Variants in PDS5A observed in about 807,000 individuals in gnomAD.
PDS5A encodes sister chromatid cohesion protein PDS5 homolog A.
A neutral mutation model predicts 167.1 loss-of-function variants in PDS5A; 42 were observed. The ratio of observed to expected loss-of-function variants is 0.25; its 90% CI spans 0.20 to 0.33. The LOEUF is 0.33. PDS5A is among the 10% of genes least tolerant of loss of function. PDS5A has a pLI of 1.00. For synonymous variants in PDS5A, 553 were observed against 554.6 expected (o/e 1.00, Z 0.04); for missense variants, 1,033 against 1,605.9 (o/e 0.64, Z 6.10).
chr4:39,859,129 G>A (rs1025552842), intron 26 of PDS5A, among the ~76,000 whole-genome samples: 1 of 152,050 alleles, frequency 6.6e-6, no homozygotes, highest in African/African-American at 2.4e-5. Flanking sequence ...AAAGTCACTG[G>A]ACATTTCTCC....
intron 16 of PDS5A, chr4:39,898,160 AT>A (rs759699285): frequency 3.3e-6 from 4 of 1,227,426 alleles, no homozygotes; most frequent in Non-Finnish European, 4.1e-6. Context: ...ATCTTGTAAA[AT>A]TCCTAAGACC....
At chr4:39,865,607 C>T (rs910040900) in intron 23 of PDS5A, among the ~76,000 whole-genome samples, 3 of 152,238 alleles carry the variant, frequency 2.0e-5, no homozygotes, top group Admixed American at 6.5e-5. Flanking sequence ...CACACTGCAA[C>T]CTCCACCTCC....
At chr4:39,890,667 A>AG (rs1320802565) in intron 16 of PDS5A, among the ~76,000 whole-genome samples, 1 of 152,128 alleles carries the variant, frequency 6.6e-6, no homozygotes, top group Non-Finnish European at 1.5e-5. Context: ...ACCAGGCTAC[A>AG]GTGCAGTGGC....
At chr4:39,912,336 C>T (rs1007244812) in intron 9 of PDS5A, among the ~76,000 whole-genome samples, 6 of 152,106 alleles carry the variant, frequency 3.9e-5, no homozygotes, top group African/African-American at 9.7e-5. Flanking sequence ...TGAAGCCTTG[C>T]GTTTTTGCTT....
chr4:39,945,167 C>G (rs748864279), intron 2 of PDS5A, among the ~76,000 whole-genome samples: 2 of 151,948 alleles, frequency 1.3e-5, no homozygotes, highest in African/African-American at 2.4e-5. Context: ...GCATAAAAAT[C>G]TAAATGCAGG....
chr4:39,840,059 A>G (rs927618351), intron 31 of PDS5A, among the ~76,000 whole-genome samples: 3 of 151,980 alleles, frequency 2.0e-5, no homozygotes, highest in Non-Finnish European at 2.9e-5. Flanking sequence ...GTGCCACTGC[A>G]CTCCAGCCCA....
In PDS5A at chr4:39,975,079, C is replaced by T. The variant is rs528863530; in HGVS notation, c.138+1361G>A. The stretch of plus-strand genomic sequence containing the variant: ...GCCGAGACGCGCCACTGCACTCCAG[C>T]CTAGGTGACAGAGCAAGACTCCGTC... On this transcript the variant is annotated intron_variant, in intron 2 of 32. Coordinates refer to ENST00000303538, the MANE Select transcript of PDS5A (RefSeq NM_001100399.2). Among the ~76,000 whole-genome samples, 194 of 143,408 alleles carry T rather than the reference C, an allele frequency of 1.4e-3. 2 individuals are homozygous for T. Among genetic ancestry groups the T allele is most frequent in the Non-Finnish European group, 2.1e-4 (14 of 66,666 alleles). The allele number at this position is 143,408 out of a possible 152,430, so 94.1% of individuals were successfully genotyped here.
chr4:39,829,026 G>C (rs1284723306), intron 32 of PDS5A, among the ~76,000 whole-genome samples: 1 of 152,116 alleles, frequency 6.6e-6, no homozygotes, highest in Non-Finnish European at 1.5e-5. Flanking sequence ...CAGCAATCCC[G>C]ATCAGACTCC....
chr4:39,945,829 C>T (rs961546134), intron 2 of PDS5A, among the ~76,000 whole-genome samples: 1 of 152,030 alleles, frequency 6.6e-6, no homozygotes, highest in Non-Finnish European at 1.5e-5. Flanking sequence ...AATGATCAAA[C>T]ATTATGTAAG....
intron 16 of PDS5A, among the ~76,000 whole-genome samples, chr4:39,897,209 C>T (rs140966068): frequency 2.0e-5 from 3 of 151,970 alleles, no homozygotes; most frequent in Non-Finnish European, 4.4e-5. Flanking sequence ...GCCTGGCCAA[C>T]ATGGTGAAAA....
At chr4:39,910,882 C>CTAT (rs1219193857) in intron 9 of PDS5A, among the ~76,000 whole-genome samples, 3 of 152,064 alleles carry the variant, frequency 2.0e-5, no homozygotes, top group Non-Finnish European at 4.4e-5. Flanking sequence ...GTAGTCCCAG[C>CTAT]TATTACTCAG....
intron 2 of PDS5A, chr4:39,973,693 G>T: frequency 7.8e-7 from 1 of 1,290,046 alleles, no homozygotes; most frequent in Non-Finnish European, 1.1e-6. Context: ...TCAGCGCAAA[G>T]AAGAGTGCCA....
chr4:39,901,258 T>TTTTC (rs1326311112), intron 13 of PDS5A, among the ~76,000 whole-genome samples: 96 of 142,710 alleles, frequency 6.7e-4, no homozygotes, highest in African/African-American at 2.2e-3. Flanking sequence ...TCTTTTTTTC[T>TTTTC]TTTCTTTCTT....
At chr4:39,870,587 C>CAAAATAAAATAAAAT (rs57432451) in intron 21 of PDS5A, among the ~76,000 whole-genome samples, 1 of 148,686 alleles carries the variant, frequency 6.7e-6, no homozygotes, top group African/African-American at 2.5e-5. Flanking sequence ...GACCATGTCT[C>CAAAATAAAATAAAAT]AAAATAAAAT....
At chr4:39,924,877 C>T (rs928899383) in intron 5 of PDS5A, among the ~76,000 whole-genome samples, 4 of 152,106 alleles carry the variant, frequency 2.6e-5, no homozygotes, top group Admixed American at 1.3e-4. Context: ...TTTGGGAGGC[C>T]GAGGTGGGTG....
In PDS5A at chr4:39,863,093, C is replaced by T. The variant is rs1329757544; in HGVS notation, c.2767-20G>A. 6.4e-7 allele frequency: 1 copy of T among 1,567,134 alleles called. No homozygotes were observed. Among genetic ancestry groups the T allele is most frequent in the African/African-American group, 1.4e-5 (1 of 73,898 alleles). ...CTCATCCTACAGCAGCACAGAAAAA[C>T]TTAAATTGGCAACCATTTATTAAAT... On this transcript the variant is annotated intron_variant, in intron 24 of 32. Coordinates refer to ENST00000303538, the MANE Select transcript of PDS5A (RefSeq NM_001100399.2).
intron 6 of PDS5A, among the ~76,000 whole-genome samples, chr4:39,921,894 T>C (rs1477715023): frequency 6.6e-6 from 1 of 152,220 alleles, no homozygotes; most frequent in Non-Finnish European, 1.5e-5. Flanking sequence ...ATTAATAAAA[T>C]GTAAATAATA....
chr4:39,898,321 AG>A (rs1163047587), intron 16 of PDS5A, 67 bp downstream of exon 16: 1 of 1,453,460 alleles, frequency 6.9e-7, no homozygotes, highest in South Asian at 1.5e-5. Flanking sequence ...TATGTAAAAC[AG>A]GCTTTAATAA....
At chr4:39,865,372 T>C (rs1409264878) in intron 23 of PDS5A, among the ~76,000 whole-genome samples, 1 of 152,186 alleles carries the variant, frequency 6.6e-6, no homozygotes, top group African/African-American at 2.4e-5. Flanking sequence ...CTAAACAGTG[T>C]TATAAAAGGC....
Sources: gnomAD v4.1 joint callset for allele counts (sites outside exome capture counted in the v4.1 genomes callset) on GRCh38, gnomAD v4.1.1 for gene constraint, MANE v1.5 for transcripts, NCBI Gene and HGNC (gene_info 2026-07-23, HGNC 2026-07-21) for gene names.